CASK: variants seen among roughly 807,000 people sequenced by gnomAD.
CASK encodes calcium/calmodulin dependent serine protein kinase, also known as peripheral plasma membrane protein CASK.
In CASK, 4 loss-of-function variants were observed where a neutral mutation model predicts 82.9. The observed-to-expected ratio is 0.05, with a 90% CI of 0.02 to 0.11. The LOEUF is 0.11. Ranked by LOEUF, CASK falls within the 10% of genes least tolerant of loss-of-function variation. The probability of loss-of-function intolerance (pLI) is 1.00; values close to 1 mark genes in which losing one functional copy is unlikely to be tolerated. For synonymous variants in CASK, 259 were observed against 253.5 expected, an observed-to-expected ratio of 1.02 and a Z score of -0.20; for missense variants, 358 against 720.9, an observed-to-expected ratio of 0.50 and a Z score of 5.76.
intron 9 of CASK, among the ~76,000 whole-genome samples, chrX:41,633,749 C>T (rs1471978702): frequency 2.7e-5 from 3 of 109,158 alleles, no homozygotes; most frequent in African/African-American, 1.0e-4. Context: ...AAGTAATTTT[C>T]TTTCTTTCTT....
intron 5 of CASK, chrX:41,729,826 G>A (rs1259834350): frequency 5.7e-5 from 5 of 88,375 alleles, no homozygotes; most frequent in Middle Eastern, 9.8e-3. Flanking sequence ...GTATGTATAT[G>A]TGCATAGTTA....
chrX:41,705,282 C>T (rs2067866535), intron 5 of CASK, among the ~76,000 whole-genome samples: 1 of 112,417 alleles, frequency 8.9e-6, no homozygotes, highest in African/African-American at 3.2e-5. Context: ...TTGGGCCAGG[C>T]ACAGTGGCTC....
intron 22 of CASK, among the ~76,000 whole-genome samples, chrX:41,536,695 A>G (rs2064878602): frequency 8.9e-6 from 1 of 112,380 alleles, no homozygotes; most frequent in South Asian, 3.7e-4. Context: ...TGATTTATAA[A>G]GGTTGATTGA....
At chrX:41,638,203 T>C (rs771419800) in intron 8 of CASK, among the ~76,000 whole-genome samples, 1 of 110,905 alleles carries the variant, frequency 9.0e-6, no homozygotes, top group Admixed American at 9.7e-5. Flanking sequence ...GTAGAGTATG[T>C]CAAAAGTACT....
chrX:41,569,443 G>T (rs776986426), intron 16 of CASK, among the ~76,000 whole-genome samples: 12 of 111,423 alleles, frequency 1.1e-4, no homozygotes, highest in Admixed American at 4.8e-4. Flanking sequence ...GATTTTAAAA[G>T]ATTCTTTATA....
At chrX:41,805,766 A>T (rs1165620918) in intron 2 of CASK, among the ~76,000 whole-genome samples, 1 of 111,467 alleles carries the variant, frequency 9.0e-6, no homozygotes, top group Non-Finnish European at 1.9e-5. Flanking sequence ...CTACTGGAGG[A>T]CAGGCAAAGA....
chrX:41,520,082 A>G lies in CASK; in HGVS notation c.*338T>C. ...TATTATTATTAAAATAGATTATAGAAAGCAGCATCTATTTTGTGCAGTTTT... is the reference window on the plus strand; with the variant it reads ...TATTATTATTAAAATAGATTATAGAGAGCAGCATCTATTTTGTGCAGTTTT... On this transcript the variant is annotated 3_prime_UTR_variant, in exon 27 of 27. Transcript: ENST00000378163. 6.6e-6 allele frequency: 1 copy of G among 151,866 alleles called. No homozygotes were observed. Among genetic ancestry groups the G allele is most frequent in the Non-Finnish European group, 1.3e-5 (1 of 77,693 alleles). The allele number at this position is 151,866 out of a possible 1,213,427, so 12.5% of individuals were successfully genotyped here.
chrX:41,732,691 A>G (rs2147700089), intron 5 of CASK, among the ~76,000 whole-genome samples: 1 of 111,319 alleles, frequency 9.0e-6, no homozygotes, highest in South Asian at 3.8e-4. Context: ...CTGGCTCAGA[A>G]GGAGAGGAAC....
At chrX:41,520,726 A>G (rs888274069) in intron 26 of CASK, 130 bp from the exon 27 acceptor site, 4 of 575,574 alleles carry the variant, frequency 6.9e-6, no homozygotes, top group Non-Finnish European at 1.2e-5. Flanking sequence ...AGTCAAGGCC[A>G]GACCCTGATA....
intron 2 of CASK, among the ~76,000 whole-genome samples, chrX:41,797,873 A>T (rs1051807239): frequency 8.9e-6 from 1 of 111,968 alleles, no homozygotes; most frequent in South Asian, 3.7e-4. Flanking sequence ...CACAATGATT[A>T]AAGACTTCTC....
intron 5 of CASK, among the ~76,000 whole-genome samples, chrX:41,703,739 T>C (rs2067839520): frequency 1.8e-5 from 2 of 112,573 alleles, no homozygotes; most frequent in Admixed American, 1.9e-4. Context: ...TAAGGGTATG[T>C]ACATTTTCAG....
At chrX:41,916,174 C>T (rs1158237457) in intron 1 of CASK, among the ~76,000 whole-genome samples, 2 of 112,322 alleles carry the variant, frequency 1.8e-5, no homozygotes, top group East Asian at 5.6e-4. Flanking sequence ...GAGACTCCAT[C>T]TCAAAAAAAG....
At chrX:41,639,446 A>AG (rs1478921605) in intron 8 of CASK, among the ~76,000 whole-genome samples, 1 of 109,111 alleles carries the variant, frequency 9.2e-6, no homozygotes, top group African/African-American at 3.3e-5. Flanking sequence ...GTTTAAAAAA[A>AG]AAAAAAAAGC....
intron 5 of CASK, among the ~76,000 whole-genome samples, chrX:41,694,915 G>A (rs771265159): frequency 2.9e-4 from 33 of 111,937 alleles, no homozygotes; most frequent in Non-Finnish European, 5.8e-4. Context: ...ATGAATGAAT[G>A]CCACATATGA....
chrX:41,525,486 G>A (rs1337933864), intron 25 of CASK, among the ~76,000 whole-genome samples: 1 of 110,021 alleles, frequency 9.1e-6, no homozygotes, highest in African/African-American at 3.3e-5. Context: ...TCTTTGGGAA[G>A]TCCTTTGTGA....
chrX:41,657,521 CT>C (rs1176759848), intron 8 of CASK, among the ~76,000 whole-genome samples: 5 of 107,201 alleles, frequency 4.7e-5, no homozygotes, highest in East Asian at 2.9e-4. Flanking sequence ...TTTTATATTT[CT>C]TTTTTTTTTG....
At chrX:41,723,872 G>A (rs1451079715) in intron 5 of CASK, among the ~76,000 whole-genome samples, 1 of 112,017 alleles carries the variant, frequency 8.9e-6, no homozygotes, top group Non-Finnish European at 1.9e-5. Flanking sequence ...TATTTGTATT[G>A]GGTTACTACA....
chrX:41,897,895 A>G (rs776303754), intron 1 of CASK, among the ~76,000 whole-genome samples: 19 of 111,980 alleles, frequency 1.7e-4, no homozygotes, highest in Non-Finnish European at 3.2e-4. Context: ...TGGCATCTAT[A>G]TCCATCAGGA....
intron 11 of CASK, among the ~76,000 whole-genome samples, chrX:41,612,457 C>T (rs1194041269): frequency 3.8e-5 from 4 of 104,590 alleles, no homozygotes; most frequent in Non-Finnish European, 7.9e-5. Flanking sequence ...GGAGCCCCTC[C>T]GCCCGGCAGC....
Sources: allele counts gnomAD v4.1 joint callset (sites outside exome capture counted in the v4.1 genomes callset), GRCh38; gene constraint gnomAD v4.1.1; transcripts MANE v1.5; gene names NCBI Gene and HGNC (gene_info 2026-07-23, HGNC 2026-07-21).